The following ANO4 variants were observed in gnomAD, a reference collection of about 807,000 sequenced individuals.
The protein encoded by ANO4 is anoctamin 4.
A neutral mutation model predicts 141.9 loss-of-function variants in ANO4; 69 were observed. The ratio of observed to expected loss-of-function variants is 0.49; its 90% CI spans 0.40 to 0.59. The LOEUF is 0.59. Among genes scored for constraint, ANO4 ranks in the 20% least tolerant of loss-of-function variants. ANO4 has a pLI of 0.00. For synonymous variants in ANO4, 350 were observed against 394.3 expected (o/e 0.89, Z 1.33); for missense variants, 894 against 1,162.2 (o/e 0.77, Z 3.36).
At chr12:101,065,413 A>G (rs1416280580) in intron 14 of ANO4, among the ~76,000 whole-genome samples, 2 of 152,184 alleles carry the variant, frequency 1.3e-5, no homozygotes, top group African/African-American at 2.4e-5. Flanking sequence ...ATAAAATCAG[A>G]TATGAAAAAG....
intron 5 of ANO4, among the ~76,000 whole-genome samples, chr12:100,959,057 C>T (rs2043293606): frequency 1.3e-5 from 2 of 152,008 alleles, no homozygotes; most frequent in South Asian, 4.1e-4. Context: ...CCTCTCTCTG[C>T]CCAATCAACC....
chr12:101,068,412 A>C, intron 14 of ANO4: 2 of 931,094 alleles, frequency 2.1e-6, no homozygotes, highest in Non-Finnish European at 3.6e-6. Context: ...CTGGAAGCTG[A>C]GTATCTCGCT....
intron 4 of ANO4, among the ~76,000 whole-genome samples, chr12:100,941,483 T>C (rs571387281): frequency 6.6e-6 from 1 of 152,312 alleles, no homozygotes; most frequent in African/African-American, 2.4e-5. Context: ...GTCTTTAAGA[T>C]TCATTTTTAT....
intron 26 of ANO4, 60 bp from the exon 27 acceptor site, chr12:101,126,819 C>A: frequency 6.7e-7 from 1 of 1,502,898 alleles, no homozygotes; most frequent in Non-Finnish European, 9.1e-7. Flanking sequence ...TCAGCCAACT[C>A]TCTAACCTCA....
chr12:100,790,474 T>C (rs118152513), upstream of ANO4, among the ~76,000 whole-genome samples: 306 of 152,314 alleles, frequency 2.0e-3, no homozygotes, highest in Non-Finnish European at 3.2e-3. Context: ...GTAACATTGG[T>C]AAGACTTAAG....
intron 3 of ANO4, among the ~76,000 whole-genome samples, chr12:100,779,218 C>T (rs896228416): frequency 5.9e-5 from 9 of 152,206 alleles, no homozygotes; most frequent in Non-Finnish European, 1.2e-4. Flanking sequence ...AGGACTATGC[C>T]TCTCTGAAGT....
Position 101,083,725 on chromosome 12 carries a change from G to C in ANO4, c.1443G>C (p.Arg481=). The C allele has an allele frequency of 6.2e-7, 1 of 1,608,992 alleles. No individual in the cohort carries two copies. Among genetic ancestry groups the C allele is most frequent in the South Asian group, 1.1e-5 (1 of 89,406 alleles). The change falls in exon 16 of 28, where the codon CGG becomes CGC. Residue 481 remains arginine (R), a synonymous_variant. Coordinates refer to ENST00000392977, the MANE Select transcript of ANO4 (RefSeq NM_001286615.2). The part of the protein sequence containing the change: ...QFEAKYSKKE[R]MNPISGKPEP... ...AAGCCAAGTATTCCAAGAAAGAGCG[G>C]ATGAATCCAATTTCTGGAAAGCCAG...
chr12:100,927,213 A>C (rs2041910404), intron 3 of ANO4, among the ~76,000 whole-genome samples: 1 of 152,126 alleles, frequency 6.6e-6, no homozygotes, highest in Non-Finnish European at 1.5e-5. Flanking sequence ...AGTTCTGGAT[A>C]CATGAGGCAG....
At chr12:100,762,157 G>T (rs547932867) in intron 3 of ANO4, among the ~76,000 whole-genome samples, 3 of 152,158 alleles carry the variant, frequency 2.0e-5, no homozygotes, top group Non-Finnish European at 4.4e-5. Context: ...ATAAGGTGCT[G>T]GAGGCTTTCC....
At chr12:100,762,508 G>T (rs1389614281) in intron 3 of ANO4, among the ~76,000 whole-genome samples, 1 of 152,122 alleles carries the variant, frequency 6.6e-6, no homozygotes, top group Admixed American at 6.5e-5. Flanking sequence ...AGGCTCCCCT[G>T]GCAAGGGCAG....
chr12:101,072,317 C>A (rs2048847126), intron 14 of ANO4, among the ~76,000 whole-genome samples: 1 of 152,158 alleles, frequency 6.6e-6, no homozygotes, highest in African/African-American at 2.4e-5. Context: ...TTCTTACTTT[C>A]TATTAGCCTA....
At chr12:100,827,693 T>A (rs542430018) in intron 1 of ANO4, among the ~76,000 whole-genome samples, 2 of 152,088 alleles carry the variant, frequency 1.3e-5, no homozygotes, top group Admixed American at 1.3e-4. Context: ...TTTATCAGAT[T>A]ATTATTTTAG....
rs80169413 is a variant in ANO4 at position 100,778,785 on chromosome 12, C to T, written c.358+38680C>T. Among the ~76,000 whole-genome samples the T allele has an allele frequency of 3.6e-3, 548 of 152,296 alleles. 4 individuals carry two copies. The highest frequency in any genetic ancestry group is 9.6e-3 in the African/African-American group (399 of 41,558). On this transcript the variant is annotated intron_variant, in intron 3 of 29. Transcript: ENST00000644049. ...AATATTTCATCACAAAGTTTTAAAA[C>T]GCACAGAAATGTTGAGAGAATTTTG...
chr12:100,956,540 A>G (rs1018854969), intron 5 of ANO4, among the ~76,000 whole-genome samples: 3 of 151,602 alleles, frequency 2.0e-5, no homozygotes, highest in Non-Finnish European at 4.4e-5. Context: ...CCTCTTGGGG[A>G]CTCTCTTCCT....
intron 1 of ANO4, among the ~76,000 whole-genome samples, chr12:100,733,455 C>T (rs1178063686): frequency 1.3e-5 from 2 of 152,116 alleles, no homozygotes; most frequent in African/African-American, 4.8e-5. Flanking sequence ...CTGGGTCAGG[C>T]ACCCTCTCTC....
In ANO4 at chr12:100,783,555, G is replaced by A. The variant is rs566687225; in HGVS notation, c.358+43450G>A. Among the ~76,000 whole-genome samples, 11 of 152,138 alleles carry A rather than the reference G, an allele frequency of 7.2e-5. 1 individual carries two copies. In the East Asian group the frequency reaches 7.7e-4, roughly 11 times the overall value. On this transcript the variant is annotated intron_variant, in intron 3 of 29. Transcript: ENST00000644049. Reference sequence around the variant, plus strand: ...ATTTCCCTTGTTAAAAATCCTTATCGGTTATACCAGTCAGGATTCAGTATA... The same window carrying A: ...ATTTCCCTTGTTAAAAATCCTTATCAGTTATACCAGTCAGGATTCAGTATA...
At position 101,075,729 on chromosome 12, in the gene ANO4, T is replaced by TTATATAAAACAAAGATATATATATCTTTA. The variant is rs2048998745; in HGVS notation, c.1313-3458_1313-3457insAAACAAAGATATATATATCTTTATATATA. Among the ~76,000 whole-genome samples the TTATATAAAACAAAGATATATATATCTTTA allele has an allele frequency of 4.8e-5, 7 of 144,432 alleles. No homozygotes were observed. The South Asian group carries it at 1.3e-3, about 27-fold the overall frequency. 94.8% of individuals were successfully genotyped at this position (144,432 alleles called of 152,430 possible). A position where few individuals can be genotyped will look rare whatever the true frequency, so the allele number is the denominator to read the frequency against. On this transcript the variant is annotated intron_variant, in intron 14 of 27. Transcript: ENST00000392977. ...TTATATAAAACAAATATATATATCT[T>TTATATAAAACAAAGATATATATATCTTTA]TATATATATATATATAACAAAAATA...
intron 1 of ANO4, among the ~76,000 whole-genome samples, chr12:100,897,089 CT>C (rs1299723308): frequency 6.6e-6 from 1 of 152,230 alleles, no homozygotes; most frequent in African/African-American, 2.4e-5. Flanking sequence ...TTAGCCACTA[CT>C]TTGTACTAAC....
At chr12:101,031,823 C>T (rs1302782127) in intron 9 of ANO4, among the ~76,000 whole-genome samples, 1 of 152,034 alleles carries the variant, frequency 6.6e-6, no homozygotes, top group African/African-American at 2.4e-5. Context: ...GAATTAATTC[C>T]CACTCACAAT....
Sources: allele counts gnomAD v4.1 joint callset (sites outside exome capture counted in the v4.1 genomes callset), GRCh38; gene constraint gnomAD v4.1.1; transcripts MANE v1.5; gene names NCBI Gene and HGNC (gene_info 2026-07-23, HGNC 2026-07-21).